DENND1B: variants seen among roughly 807,000 people sequenced by gnomAD.
The protein encoded by DENND1B is DENN domain-containing protein 1B.
Under a neutral mutation model 90.1 loss-of-function variants are expected in DENND1B, and 59 were observed. That is an observed-to-expected ratio of 0.65 (90% CI 0.53 to 0.81). The LOEUF (loss-of-function observed/expected upper bound fraction) is 0.81. DENND1B is among the 40% of genes least tolerant of loss of function. DENND1B has a pLI of 0.00. For synonymous variants in DENND1B, 337 were observed against 324.6 expected (o/e 1.04, Z -0.41); for missense variants, 862 against 912.6 (o/e 0.94, Z 0.71).
intron 11 of DENND1B, among the ~76,000 whole-genome samples, chr1:197,616,494 G>A (rs1345151307): frequency 1.3e-5 from 2 of 150,932 alleles, no homozygotes; most frequent in Non-Finnish European, 3.0e-5. Flanking sequence ...AATAGCAATG[G>A]TAGGTCACTG....
chr1:197,613,639 GAGA>G (rs1677380470), intron 11 of DENND1B, among the ~76,000 whole-genome samples: 1 of 150,936 alleles, frequency 6.6e-6, no homozygotes, highest in South Asian at 2.1e-4. Flanking sequence ...TAGGTCTCCA[GAGA>G]AGAAGACATA....
rs372544369 is a variant in DENND1B, at chr1:197,550,448, G to A, written c.1240+2574C>T. ...ACCTCCTTTGCTGGATTAAGAAAAT[G>A]TGGCACATATACACCATGGAATACT... On this transcript the variant is annotated intron_variant, in intron 16 of 22. Coordinates refer to ENST00000620048, the MANE Select transcript of DENND1B (RefSeq NM_001195215.2). Among the ~76,000 whole-genome samples, 24 of 152,166 alleles carry A rather than the reference G, an allele frequency of 1.6e-4. No individual in the cohort carries two copies. The East Asian group carries it at 2.9e-3, about 18-fold the overall frequency.
intron 2 of DENND1B, among the ~76,000 whole-genome samples, chr1:197,738,358 C>T (rs1170602980): frequency 6.6e-6 from 1 of 152,218 alleles, no homozygotes; most frequent in East Asian, 1.9e-4. Context: ...CAGGTCACAA[C>T]AATTCCCTCG....
At chr1:197,561,046 C>A (rs1427121513) in intron 15 of DENND1B, among the ~76,000 whole-genome samples, 1 of 151,932 alleles carries the variant, frequency 6.6e-6, no homozygotes, top group African/African-American at 2.4e-5. Context: ...ATTTTTCCTT[C>A]TCTCTTCTGA....
intron 14 of DENND1B, among the ~76,000 whole-genome samples, chr1:197,594,465 A>G (rs576239539): frequency 1.3e-5 from 2 of 152,282 alleles, no homozygotes; most frequent in East Asian, 1.9e-4. Context: ...AACAACTCCT[A>G]TTAGATAGCA....
intron 15 of DENND1B, among the ~76,000 whole-genome samples, chr1:197,575,731 G>A (rs549074662): frequency 3.3e-5 from 5 of 152,054 alleles, no homozygotes; most frequent in South Asian, 2.1e-4. Flanking sequence ...GCACATATAC[G>A]TCATGGAATA....
intron 20 of DENND1B, among the ~76,000 whole-genome samples, chr1:197,519,733 T>C (rs938509824): frequency 6.6e-6 from 1 of 151,874 alleles, no homozygotes; most frequent in African/African-American, 2.4e-5. Flanking sequence ...GTAGGTTAGT[T>C]AGATGATGGA....
chr1:197,545,015 A>C (rs1558222749), intron 18 of DENND1B, among the ~76,000 whole-genome samples: 1 of 28,098 alleles, frequency 3.6e-5, no homozygotes, highest in Non-Finnish European at 8.0e-5. Flanking sequence ...GACGACGACG[A>C]CGACGAAAGA....
intron 22 of DENND1B, among the ~76,000 whole-genome samples, chr1:197,511,200 T>C (rs1668004920): frequency 6.6e-6 from 1 of 151,790 alleles, no homozygotes; most frequent in African/African-American, 2.4e-5. Flanking sequence ...TCAAACTAGA[T>C]TATATAATTA....
At chr1:197,618,753 T>G (rs2125865330) in intron 10 of DENND1B, among the ~76,000 whole-genome samples, 1 of 151,270 alleles carries the variant, frequency 6.6e-6, no homozygotes, top group Non-Finnish European at 1.5e-5. Context: ...TTAAATTATT[T>G]TATTCAACTT....
chr1:197,609,200 C>T (rs1348992998), intron 12 of DENND1B, among the ~76,000 whole-genome samples: 1 of 150,404 alleles, frequency 6.6e-6, no homozygotes, highest in Non-Finnish European at 1.5e-5. Context: ...TAATATTAGA[C>T]ATAGACTGAA....
At chr1:197,682,920 C>T (rs1341768544) in intron 3 of DENND1B, among the ~76,000 whole-genome samples, 3 of 152,198 alleles carry the variant, frequency 2.0e-5, no homozygotes, top group Non-Finnish European at 4.4e-5. Context: ...AACCATTCCT[C>T]CTGGCAACAC....
intron 20 of DENND1B, among the ~76,000 whole-genome samples, chr1:197,513,809 G>A (rs1668206194): frequency 6.6e-6 from 1 of 151,192 alleles, no homozygotes. Flanking sequence ...TCTCTTTCAG[G>A]GGACTCAGTT....
At chr1:197,749,326 C>G (rs1297010806) in intron 2 of DENND1B, among the ~76,000 whole-genome samples, 1 of 151,504 alleles carries the variant, frequency 6.6e-6, no homozygotes, top group African/African-American at 2.4e-5. Flanking sequence ...AGGATAAATA[C>G]AAAGAAAACT....
intron 10 of DENND1B, among the ~76,000 whole-genome samples, chr1:197,641,057 T>C (rs1229675766): frequency 6.6e-6 from 1 of 152,238 alleles, no homozygotes; most frequent in Non-Finnish European, 1.5e-5. Flanking sequence ...TATGTAACCC[T>C]AGCTAATAAA....
intron 10 of DENND1B, among the ~76,000 whole-genome samples, chr1:197,627,760 T>G (rs915912190): frequency 1.8e-4 from 27 of 152,134 alleles, no homozygotes; most frequent in South Asian, 4.1e-4. Context: ...CAGATGACAT[T>G]ATTGTATATA....
In DENND1B at chr1:197,556,843, T is replaced by G. The variant is rs184738255; in HGVS notation, c.1150-3731A>C. ...TCCACTTTCCCCAGTACCACCACCT[T>G]TTCTATCTCTGTCCAATTTTTATGA... On this transcript the variant is annotated intron_variant, in intron 15 of 22. Transcript: ENST00000620048. Among the ~76,000 whole-genome samples the G allele has an allele frequency of 9.2e-3, 1,398 of 152,092 alleles. 15 individuals carry two copies. The highest frequency in any genetic ancestry group is 0.015 in the Non-Finnish European group (1,043 of 67,898).
intron 20 of DENND1B, among the ~76,000 whole-genome samples, chr1:197,534,856 C>T (rs971656280): frequency 2.6e-5 from 4 of 152,078 alleles, no homozygotes; most frequent in Non-Finnish European, 5.9e-5. Flanking sequence ...TATTATTATA[C>T]TTGGAGAGTT....
chr1:197,765,261 G>C (rs541910814), intron 2 of DENND1B, among the ~76,000 whole-genome samples: 2 of 152,154 alleles, frequency 1.3e-5, no homozygotes, highest in African/African-American at 4.8e-5. Flanking sequence ...TAAATCAAGA[G>C]TTTGAAAGTG....
Sources: gnomAD v4.1 joint callset for allele counts (sites outside exome capture counted in the v4.1 genomes callset) on GRCh38, gnomAD v4.1.1 for gene constraint, MANE v1.5 for transcripts, NCBI Gene and HGNC (gene_info 2026-07-23, HGNC 2026-07-21) for gene names.